The following CDH12 variants were observed in gnomAD, a reference collection of about 807,000 sequenced individuals.
CDH12 encodes the protein cadherin 12.
CDH12 carries 41 observed loss-of-function variants against 74.1 expected under a neutral mutation model. The observed-to-expected ratio is 0.55, with a 90% CI of 0.43 to 0.72. The LOEUF is 0.72. Ranked by LOEUF, CDH12 falls within the 30% of genes least tolerant of loss-of-function variation. The pLI is 0.00. For missense variants in CDH12, 945 were observed against 977.2 expected (o/e 0.97, Z 0.44); for synonymous variants, 399 against 355.0 (o/e 1.12, Z -1.39).
At chr5:21,987,576 C>T (rs1427270256) in intron 5 of CDH12, among the ~76,000 whole-genome samples, 4 of 152,134 alleles carry the variant, frequency 2.6e-5, no homozygotes, top group African/African-American at 9.7e-5. Flanking sequence ...ATAATCTTTC[C>T]TTCATAAATA....
chr5:22,435,816 C>G (rs1302663394), intron 2 of CDH12, among the ~76,000 whole-genome samples: 1 of 152,008 alleles, frequency 6.6e-6, no homozygotes, highest in Non-Finnish European at 1.5e-5. Flanking sequence ...GATCGATAAA[C>G]TGGCTCATCT....
intron 1 of CDH12, among the ~76,000 whole-genome samples, chr5:22,718,602 G>C (rs930677339): frequency 2.6e-5 from 4 of 152,174 alleles, no homozygotes; most frequent in African/African-American, 9.7e-5. Context: ...ATTGCCCACT[G>C]TGTAGTATAA....
At chr5:22,292,538 C>T (rs1280244396) in intron 3 of CDH12, among the ~76,000 whole-genome samples, 1 of 151,722 alleles carries the variant, frequency 6.6e-6, no homozygotes, top group African/African-American at 2.4e-5. Flanking sequence ...GAACTGAACT[C>T]AATAGCACAA....
At chr5:22,612,874 T>G (rs569830598) in intron 1 of CDH12, among the ~76,000 whole-genome samples, 5 of 152,226 alleles carry the variant, frequency 3.3e-5, no homozygotes, top group Admixed American at 1.3e-4. Flanking sequence ...AAGATTGTAT[T>G]TAAAGGATTA....
chr5:22,805,891 G>C (rs1393576745), intron 1 of CDH12, among the ~76,000 whole-genome samples: 1 of 151,982 alleles, frequency 6.6e-6, no homozygotes, highest in Non-Finnish European at 1.5e-5. Flanking sequence ...TCCCATTTAT[G>C]AGTGAGAACA....
intron 2 of CDH12, among the ~76,000 whole-genome samples, chr5:22,424,975 A>C (rs1198093136): frequency 6.6e-6 from 1 of 151,270 alleles, no homozygotes; most frequent in African/African-American, 2.4e-5. Context: ...ATATCAAGAA[A>C]ATTAAATTTA....
rs148791163 is a variant in CDH12, at chr5:21,890,131, G to A, written c.527-35341C>T. Among the ~76,000 whole-genome samples, 35 of 152,190 alleles carry A rather than the reference G, an allele frequency of 2.3e-4. No homozygotes were observed. The East Asian group carries it at 4.2e-3, about 18-fold the overall frequency. ...CAAAGTGTAGTAAATACAGTTGTGC[G>A]TGGGTGTATGTGTATGTCTTACTTG... On this transcript the variant is annotated intron_variant, in intron 6 of 14. Coordinates refer to ENST00000382254, the MANE Select transcript of CDH12 (RefSeq NM_004061.5).
At chr5:21,949,924 TTA>T (rs757927835) in intron 6 of CDH12, among the ~76,000 whole-genome samples, 9 of 152,176 alleles carry the variant, frequency 5.9e-5, no homozygotes, top group Non-Finnish European at 1.2e-4. Flanking sequence ...AATTCAGTGT[TTA>T]TAAAGTCTAC....
chr5:22,218,217 G>A (rs181037204), intron 3 of CDH12, among the ~76,000 whole-genome samples: 3 of 151,640 alleles, frequency 2.0e-5, no homozygotes, highest in South Asian at 2.1e-4. Context: ...TATGCCTATC[G>A]TGTGATGCAG....
chr5:21,868,346 A>G (rs981832017), intron 6 of CDH12, among the ~76,000 whole-genome samples: 1 of 152,162 alleles, frequency 6.6e-6, no homozygotes, highest in South Asian at 2.1e-4. Flanking sequence ...CCCCAACCAG[A>G]CAAAGCATAG....
intron 1 of CDH12, among the ~76,000 whole-genome samples, chr5:22,534,798 GAT>G (rs934574776): frequency 3.5e-5 from 5 of 144,578 alleles, no homozygotes; most frequent in African/African-American, 1.0e-4. Flanking sequence ...AAAGTTTTGA[GAT>G]TTTTTTTTTT....
intron 6 of CDH12, among the ~76,000 whole-genome samples, chr5:21,898,009 A>G (rs1463037369): frequency 1.3e-5 from 2 of 152,126 alleles, no homozygotes; most frequent in Admixed American, 6.5e-5. Context: ...TATTTCTGAT[A>G]TTTTTATTAA....
chr5:22,517,588 C>T lies in CDH12; in HGVS notation c.-522-12224G>A, dbSNP rs1043449882. On this transcript the variant is annotated intron_variant, in intron 1 of 14. Coordinates refer to ENST00000382254, the MANE Select transcript of CDH12 (RefSeq NM_004061.5). The stretch of plus-strand genomic sequence containing the variant: ...TTAAAATTAAAACCTTTCTTTTAAA[C>T]TACAAACTACAATCTTATTGGTTCT... 2.6e-5 allele frequency among the ~76,000 whole-genome samples: 4 copies of T among 152,152 alleles called. No individual in the cohort carries two copies. In the East Asian group the frequency reaches 7.7e-4, roughly 29 times the overall value.
At chr5:22,123,737 C>A (rs1214150814) in intron 4 of CDH12, among the ~76,000 whole-genome samples, 2 of 152,116 alleles carry the variant, frequency 1.3e-5, no homozygotes, top group Admixed American at 1.3e-4. Flanking sequence ...ATCCTCATAA[C>A]AACCAGACAA....
chr5:22,517,055 A>G (rs2126679873), intron 1 of CDH12, among the ~76,000 whole-genome samples: 1 of 152,174 alleles, frequency 6.6e-6, no homozygotes, highest in African/African-American at 2.4e-5. Context: ...AAAAATAGCT[A>G]TAGTAAGGTT....
At chr5:21,984,233 G>C (rs1266406129) in intron 5 of CDH12, among the ~76,000 whole-genome samples, 1 of 152,104 alleles carries the variant, frequency 6.6e-6, no homozygotes, top group Non-Finnish European at 1.5e-5. Context: ...TCGGTTGGGG[G>C]TGTTCTAAGC....
intron 4 of CDH12, among the ~76,000 whole-genome samples, chr5:22,202,849 C>T (rs970361814): frequency 2.6e-5 from 4 of 152,234 alleles, no homozygotes; most frequent in African/African-American, 9.6e-5. Flanking sequence ...TTCATATATT[C>T]TTGGCACAGC....
At chr5:22,793,233 G>T (rs1178864552) in intron 1 of CDH12, among the ~76,000 whole-genome samples, 2 of 152,162 alleles carry the variant, frequency 1.3e-5, no homozygotes, top group African/African-American at 4.8e-5. Context: ...TGTCTTTTTA[G>T]ATTTGGGGTC....
chr5:22,352,757 T>A (rs1471823951), intron 3 of CDH12, among the ~76,000 whole-genome samples: 1 of 152,176 alleles, frequency 6.6e-6, no homozygotes, highest in Non-Finnish European at 1.5e-5. Context: ...TGCAGAACAA[T>A]GCGAAACCCT....
Sources: allele counts gnomAD v4.1 joint callset (sites outside exome capture counted in the v4.1 genomes callset), GRCh38; gene constraint gnomAD v4.1.1; transcripts MANE v1.5; gene names NCBI Gene and HGNC (gene_info 2026-07-23, HGNC 2026-07-21).